Variants in FKBP14 observed in about 807,000 individuals in gnomAD.
The protein encoded by FKBP14 is peptidyl-prolyl cis-trans isomerase FKBP14.
A neutral mutation model predicts 21.6 loss-of-function variants in FKBP14; 20 were observed. The observed-to-expected ratio is 0.92, with a 90% CI of 0.65 to 1.34. The LOEUF (loss-of-function observed/expected upper bound fraction) is 1.34. Among genes scored for constraint, FKBP14 ranks in the 40% most tolerant of loss-of-function variants. FKBP14 has a pLI of 0.00. For synonymous variants in FKBP14, 79 were observed against 86.7 expected (o/e 0.91, Z 0.49); for missense variants, 253 against 249.0 (o/e 1.02, Z -0.11).
chr7:30,014,448 A>G lies in FKBP14; in HGVS notation c.*287T>C, dbSNP rs1583725058. On this transcript the variant is annotated 3_prime_UTR_variant, in exon 4 of 4. Transcript: ENST00000222803. ...GTCGTGGTATATTCCCAGTTGCAAC[A>G]TTTTAAATTTATAAGTGAGAAAGTA... The G allele has an allele frequency of 5.1e-6, 1 of 196,392 alleles. No individual in the cohort carries two copies. The highest frequency in any genetic ancestry group is 1.1e-4 in the East Asian group (1 of 8,818). The allele number at this position is 196,392 out of a possible 1,614,324, so 12.2% of individuals were successfully genotyped here. A position where few individuals can be genotyped will look rare whatever the true frequency, so the allele number is the denominator to read the frequency against.
At chr7:30,020,345 T>G (rs1181361602) in intron 2 of FKBP14, 1 of 1,090,022 alleles carries the variant, frequency 9.2e-7, no homozygotes, top group Non-Finnish European at 1.2e-6. Context: ...AAAATTAGTT[T>G]CATGGCATTC....
downstream of FKBP14, among the ~76,000 whole-genome samples, chr7:30,008,990 A>G (rs1288348222): frequency 6.6e-6 from 1 of 152,118 alleles, no homozygotes; most frequent in Non-Finnish European, 1.5e-5. Flanking sequence ...ACACAGAAGT[A>G]CTAGAAATAC....
At chr7:30,019,204 A>AT (rs201148376) in intron 2 of FKBP14, 81 bp from the exon 3 acceptor site, 39 of 1,398,000 alleles carry the variant, frequency 2.8e-5, no homozygotes, top group African/African-American at 4.5e-5. Context: ...TGGACAAAGT[A>AT]TTTTTTTTAA....
intron 2 of FKBP14, among the ~76,000 whole-genome samples, chr7:30,021,962 C>T (rs1201874949): frequency 3.9e-5 from 6 of 152,250 alleles, no homozygotes; most frequent in East Asian, 1.9e-4. Context: ...AAAAGCTGTC[C>T]GGACCAGCTA....
In FKBP14 at chr7:30,014,913, A is replaced by G. The variant is rs773476282; in HGVS notation, c.478-20T>C. The G allele has an allele frequency of 5.9e-6, 9 of 1,537,756 alleles. No individual in the cohort carries two copies. In the East Asian group the frequency reaches 2.1e-4, roughly 35 times the overall value. Reference sequence around the variant, plus strand: ...TTTAACCTACAAAATAACAGATCCCATTAATAACTTGGATTCATAAGATAC... The same window carrying G: ...TTTAACCTACAAAATAACAGATCCCGTTAATAACTTGGATTCATAAGATAC... On this transcript the variant is annotated intron_variant, in intron 3 of 3. Coordinates refer to ENST00000222803, the MANE Select transcript of FKBP14 (RefSeq NM_017946.4).
intron 2 of FKBP14, among the ~76,000 whole-genome samples, chr7:30,020,673 T>C (rs1790007543): frequency 6.6e-6 from 1 of 152,212 alleles, no homozygotes; most frequent in African/African-American, 2.4e-5. Context: ...TGTCTCTCAT[T>C]CTCAAAATAC....
At chr7:30,020,161 A>C in intron 2 of FKBP14, 2 of 961,696 alleles carry the variant, frequency 2.1e-6, no homozygotes, top group Non-Finnish European at 2.7e-6. Flanking sequence ...TTTCCATGAA[A>C]GAACATTCAT....
chr7:30,020,615 A>G (rs1790005736), intron 2 of FKBP14, among the ~76,000 whole-genome samples: 2 of 152,318 alleles, frequency 1.3e-5, no homozygotes, highest in South Asian at 4.1e-4. Context: ...ATAATAAAAT[A>G]GAACAATTAC....
chr7:30,026,222 A>C (rs1790166712), intron 1 of FKBP14, 90 bp downstream of exon 1: 2 of 1,295,572 alleles, frequency 1.5e-6, no homozygotes, highest in Non-Finnish European at 2.1e-6. Flanking sequence ...AAGAGGCAAA[A>C]CCAGGTACAG....
At chr7:30,022,918 AT>A in intron 1 of FKBP14, 102 bp from the exon 2 acceptor site, 1 of 1,055,850 alleles carries the variant, frequency 9.5e-7, no homozygotes, top group Non-Finnish European at 1.3e-6. Context: ...TAGTTTAAAA[AT>A]TTATAAATAC....
At chr7:30,026,233 G>C (rs766166632) in intron 1 of FKBP14, 79 bp downstream of exon 1, 7 of 1,367,836 alleles carry the variant, frequency 5.1e-6, no homozygotes, top group Non-Finnish European at 7.0e-6. Flanking sequence ...CCAGGTACAG[G>C]CCACCTTTCC....
intron 2 of FKBP14, among the ~76,000 whole-genome samples, chr7:30,019,695 A>T (rs1789979787): frequency 6.6e-6 from 1 of 152,148 alleles, no homozygotes; most frequent in Non-Finnish European, 1.5e-5. Context: ...GCAGATAATA[A>T]ATTTCCTCCT....
At chr7:30,026,174 T>A in intron 1 of FKBP14, 138 bp downstream of exon 1, 1 of 846,322 alleles carries the variant, frequency 1.2e-6, no homozygotes, top group Non-Finnish European at 1.8e-6. Flanking sequence ...AACAATTTCC[T>A]TTCCCAAAGA....
At chr7:30,007,211 G>GTT (rs10716152), downstream of FKBP14, among the ~76,000 whole-genome samples, 1 of 129,192 alleles carries the variant, frequency 7.7e-6, no homozygotes, top group Non-Finnish European at 1.7e-5. Flanking sequence ...AAGTTCCTTT[G>GTT]TTTTTTTTTT....
At chr7:30,022,848 T>C in intron 1 of FKBP14, 32 bp from the exon 2 acceptor site, 1 of 1,579,188 alleles carries the variant, frequency 6.3e-7, no homozygotes, top group Non-Finnish European at 8.6e-7. Context: ...TTAGAACTCC[T>C]TATTAACTCT....
chr7:30,009,235 A>G (rs553148170), downstream of FKBP14, among the ~76,000 whole-genome samples: 28 of 142,846 alleles, frequency 2.0e-4, 1 homozygote, highest in East Asian at 5.4e-3. Flanking sequence ...TAGTGCTATA[A>G]TTTTTTTTTT....
intron 2 of FKBP14, among the ~76,000 whole-genome samples, chr7:30,020,578 T>C (rs1385240319): frequency 6.6e-6 from 1 of 152,162 alleles, no homozygotes; most frequent in Non-Finnish European, 1.5e-5. Context: ...GTTTAATTTA[T>C]AAAATAGTCA....
rs151294110 is a variant in FKBP14 at position 30,026,443 on chromosome 7, G to T, written c.66C>A (p.Ile22=). The change falls in exon 1 of 4, where the codon ATC becomes ATA. Residue 22 remains isoleucine, a synonymous_variant. Coordinates refer to ENST00000222803, the MANE Select transcript of FKBP14 (RefSeq NM_017946.4). ...CTTCAATTTTCACTTCTGGTTCAGGGATCAAAGCCCCAATCAAAGAAGTGA... is the reference window on the plus strand; with the variant it reads ...CTTCAATTTTCACTTCTGGTTCAGGTATCAAAGCCCCAATCAAAGAAGTGA... ...LFVTSLIGAL[I]PEPEVKIEVL... is the part of the protein sequence containing the mutation. 5.0e-6 allele frequency: 8 copies of T among 1,613,984 alleles called. No homozygotes were observed. The highest frequency in any genetic ancestry group is 4.2e-6 in the Non-Finnish European group (5 of 1,179,992).
Position 30,014,721 on chromosome 7 carries a change from G to T in FKBP14, c.*14C>A. 2 of 1,533,954 alleles carry T rather than the reference G, an allele frequency of 1.3e-6. No homozygotes were observed. Among genetic ancestry groups the T allele is most frequent in the South Asian group, 2.6e-5 (2 of 77,244 alleles). Reference sequence around the variant, plus strand: ...TTGAAAGATGAGTGCTATATTAAAAGGGTAGATGTATCTCTATAACTCATC... The same window carrying T: ...TTGAAAGATGAGTGCTATATTAAAATGGTAGATGTATCTCTATAACTCATC... On this transcript the variant is annotated 3_prime_UTR_variant, in exon 4 of 4. Coordinates refer to ENST00000222803, the MANE Select transcript of FKBP14 (RefSeq NM_017946.4).
Sources: allele counts gnomAD v4.1 joint callset (sites outside exome capture counted in the v4.1 genomes callset), GRCh38; gene constraint gnomAD v4.1.1; transcripts MANE v1.5; gene names NCBI Gene and HGNC (gene_info 2026-07-23, HGNC 2026-07-21).